Variants in NDUFAF7 observed in about 807,000 individuals in gnomAD.
NDUFAF7 encodes the protein protein arginine methyltransferase NDUFAF7, mitochondrial.
NDUFAF7 carries 48 observed loss-of-function variants against 47.2 expected under a neutral mutation model. The ratio of observed to expected loss-of-function variants is 1.02; its 90% CI spans 0.81 to 1.29. The LOEUF (loss-of-function observed/expected upper bound fraction) is 1.29. Among genes scored for constraint, NDUFAF7 ranks in the 50% most tolerant of loss-of-function variants. The pLI is 0.00. For synonymous variants in NDUFAF7, 217 were observed against 190.0 expected, an observed-to-expected ratio of 1.14 and a Z score of -1.17; for missense variants, 635 against 537.6, an observed-to-expected ratio of 1.18 and a Z score of -1.79.
chr2:37,244,686 T>G (rs967560451), intron 7 of NDUFAF7, among the ~76,000 whole-genome samples: 1 of 152,202 alleles, frequency 6.6e-6, no homozygotes, highest in Non-Finnish European at 1.5e-5. Flanking sequence ...AACTGAGAAC[T>G]TCTTACTTAG....
At chr2:37,250,594 A>T (rs561619293), downstream of NDUFAF7, 2 of 152,180 alleles carry the variant, frequency 1.3e-5, no homozygotes, top group Non-Finnish European at 2.9e-5. Context: ...TCCATTTACA[A>T]ATACTGTTTC....
the NDUFAF7 span, among the ~76,000 whole-genome samples, chr2:37,266,310 C>T: frequency 6.6e-6 from 1 of 152,144 alleles, no homozygotes; most frequent in Non-Finnish European, 1.5e-5. Context: ...GCAAATGGGG[C>T]TCTGACAGCA....
In NDUFAF7 at chr2:37,241,760, C is replaced by G. The variant is rs775954579; in HGVS notation, c.591C>G (p.Ser197=). The G allele has an allele frequency of 6.3e-7, 1 of 1,578,968 alleles. No homozygotes were observed. The highest frequency in any genetic ancestry group is 8.6e-7 in the Non-Finnish European group (1 of 1,162,280). The change falls in exon 5 of 10, where the codon TCC becomes TCG. Residue 197 remains serine (S), a synonymous_variant. Transcript: ENST00000002125. ...TCACTAAGTCTGGGATTCCAATTTC[C>G]TGGTACCGAGATCTGCACGATGTTC... ...KGVTKSGIPI[S]WYRDLHDVPK...
chr2:37,231,964 G>A, intron 1 of NDUFAF7, 142 bp from the exon 2 acceptor site: 1 of 1,598,896 alleles, frequency 6.3e-7, no homozygotes, highest in South Asian at 1.1e-5. Flanking sequence ...TGCGCCCCGT[G>A]GGCGTGCTAA....
chr2:37,247,617 T>G lies in NDUFAF7; in HGVS notation c.1098T>G (p.Asp366Glu). Residue 366 changes from aspartate (D) to glutamate (E), a missense_variant, in exon 9 of 10, where the codon GAT (aspartate) becomes GAG (glutamate). Coordinates refer to ENST00000002125, the MANE Select transcript of NDUFAF7 (RefSeq NM_144736.5). ...QHTFLKNMGI[D>E]VRLKVLLDKS... ...CATTTTTAAAAAATATGGGTATTGATGTCCGGCTGAAGGTAAGGTTTATTT... is the reference window on the plus strand; with the variant it reads ...CATTTTTAAAAAATATGGGTATTGAGGTCCGGCTGAAGGTAAGGTTTATTT... 1 of 1,613,936 alleles carries G rather than the reference T, an allele frequency of 6.2e-7. No homozygotes were observed. The highest frequency in any genetic ancestry group is 8.5e-7 in the Non-Finnish European group (1 of 1,179,906).
At chr2:37,245,979 A>G in intron 7 of NDUFAF7, 73 bp from the exon 8 acceptor site, 1 of 1,532,054 alleles carries the variant, frequency 6.5e-7, no homozygotes, top group Non-Finnish European at 8.9e-7. Flanking sequence ...CATTGAGGAA[A>G]AACCTGAAAA....
Position 37,232,283 on chromosome 2 carries a change from C to T in NDUFAF7, c.216+17C>T, listed in dbSNP as rs1168266248. 2 of 1,612,154 alleles carry T rather than the reference C, an allele frequency of 1.2e-6. No homozygotes were observed. The highest frequency in any genetic ancestry group is 2.2e-5 in the East Asian group (1 of 44,880). On this transcript the variant is annotated intron_variant, in intron 2 of 9. Transcript: ENST00000002125. Reference sequence around the variant, plus strand: ...CCAGCCAAGGTATGGGTCGGGTAGCCCGAGGACTAGGCCCTCTCTAGCCGA... The same window carrying T: ...CCAGCCAAGGTATGGGTCGGGTAGCTCGAGGACTAGGCCCTCTCTAGCCGA...
rs76987362 is a variant in NDUFAF7, at chr2:37,238,893, C to T, written c.408+1026C>T. ...CATTCATAAAAGAGGAAAATACAAACGGCTAAAAAAGCAAAAAAAAAAAAA... is the reference window on the plus strand; with the variant it reads ...CATTCATAAAAGAGGAAAATACAAATGGCTAAAAAAGCAAAAAAAAAAAAA... On this transcript the variant is annotated intron_variant, in intron 4 of 9. Transcript: ENST00000002125. 9.3e-3 allele frequency among the ~76,000 whole-genome samples: 1,156 copies of T among 124,608 alleles called. 18 individuals are homozygous for T. The highest frequency in any genetic ancestry group is 0.031 in the African/African-American group (1,074 of 34,268). 81.7% of individuals were successfully genotyped at this position (124,608 alleles called of 152,430 possible). A position where few individuals can be genotyped will look rare whatever the true frequency, so the allele number is the denominator to read the frequency against.
At chr2:37,249,643 G>GACACACACAC (rs56208997), downstream of NDUFAF7, among the ~76,000 whole-genome samples, 5,680 of 132,542 alleles carry the variant, frequency 0.043, 305 homozygotes, top group African/African-American at 0.098. Flanking sequence ...CTGTGATAGA[G>GACACACACAC]ACACACACAC....
chr2:37,247,187 A>G, intron 8 of NDUFAF7: 1 of 477,318 alleles, frequency 2.1e-6, no homozygotes, highest in Non-Finnish European at 3.9e-6. Context: ...AATGGCCTCC[A>G]GCTATGTCTA....
the NDUFAF7 span, among the ~76,000 whole-genome samples, chr2:37,264,070 C>T: frequency 6.6e-6 from 1 of 152,156 alleles, no homozygotes; most frequent in African/African-American, 2.4e-5. Flanking sequence ...AAACATTTTA[C>T]ATTACCACAT....
chr2:37,267,319 T>C, the NDUFAF7 span: 2 of 694,028 alleles, frequency 2.9e-6, no homozygotes, highest in South Asian at 2.0e-5. Context: ...ATAATGCCTA[T>C]ATTACCATAA....
downstream of NDUFAF7, among the ~76,000 whole-genome samples, chr2:37,255,202 T>C (rs1411455049): frequency 6.6e-6 from 1 of 152,246 alleles, no homozygotes; most frequent in Non-Finnish European, 1.5e-5. Flanking sequence ...TTCAATTAGC[T>C]TTCTTCATTA....
rs760927081 is a variant in NDUFAF7, at chr2:37,247,566, C to T, written c.1047C>T (p.Ala349=). 19 of 1,613,896 alleles carry T rather than the reference C, an allele frequency of 1.2e-5. No individual in the cohort carries two copies. Among genetic ancestry groups the T allele is most frequent in the Non-Finnish European group, 1.4e-5 (16 of 1,179,988 alleles). ...GAAGAATGGCACAGGGAAAAGTAGC[C>T]TCTCTGGGCCCAATAAAACAACACA... ...YLRRMAQGKV[A]SLGPIKQHTF... Residue 349 remains alanine, a synonymous_variant, in exon 9 of 10, where the codon GCC becomes GCT. Transcript: ENST00000002125.
chr2:37,269,241 A>G, the NDUFAF7 span: 1 of 220,464 alleles, frequency 4.5e-6, no homozygotes, highest in Non-Finnish European at 9.4e-6. Context: ...TCATGCCAAC[A>G]GTAGACAAAT....
At chr2:37,250,026 A>AT (rs374474201), downstream of NDUFAF7, among the ~76,000 whole-genome samples, 12,968 of 148,480 alleles carry the variant, frequency 0.087, 623 homozygotes, top group African/African-American at 0.12. Flanking sequence ...ACATTATGAG[A>AT]TTTTTTTTTG....
At chr2:37,247,690 A>G in intron 9 of NDUFAF7, 61 bp downstream of exon 9, 1 of 1,577,752 alleles carries the variant, frequency 6.3e-7, no homozygotes, top group Admixed American at 1.7e-5. Context: ...AAATTACTTT[A>G]AATAGTATGT....
chr2:37,236,694 T>C (rs2148397976), intron 3 of NDUFAF7, among the ~76,000 whole-genome samples: 1 of 149,444 alleles, frequency 6.7e-6, no homozygotes, highest in East Asian at 2.0e-4. Context: ...GGCAGGAGAA[T>C]GGCGTGAACC....
the NDUFAF7 span, chr2:37,260,414 A>G: frequency 1.3e-6 from 2 of 1,574,512 alleles, no homozygotes; most frequent in South Asian, 1.1e-5. Context: ...TACATGAGCA[A>G]CTTAAGCAGA....
Sources: gnomAD v4.1 joint callset for allele counts (sites outside exome capture counted in the v4.1 genomes callset) on GRCh38, gnomAD v4.1.1 for gene constraint, MANE v1.5 for transcripts, NCBI Gene and HGNC (gene_info 2026-07-23, HGNC 2026-07-21) for gene names.